Variants in PKN2 observed in about 807,000 individuals in gnomAD.
The protein encoded by PKN2 is protein kinase N2.
PKN2 carries 38 observed loss-of-function variants against 119.1 expected under a neutral mutation model. That is an observed-to-expected ratio of 0.32 (90% CI 0.25 to 0.42). The LOEUF (loss-of-function observed/expected upper bound fraction) is 0.42. PKN2 is among the 10% of genes least tolerant of loss of function. PKN2 has a pLI of 1.00. For missense variants in PKN2, 850 were observed against 1,165.1 expected, an observed-to-expected ratio of 0.73 and a Z score of 3.94; for synonymous variants, 390 against 384.9, an observed-to-expected ratio of 1.01 and a Z score of -0.15.
chr1:88,693,326 C>G (rs954884803), intron 1 of PKN2, among the ~76,000 whole-genome samples: 2 of 152,026 alleles, frequency 1.3e-5, no homozygotes, highest in African/African-American at 2.4e-5. Context: ...GAACAGTTTA[C>G]TAGTTCAGAA....
rs1672878861 is a variant in PKN2 at position 88,834,836 on chromosome 1, A to G, written c.*1388A>G. The G allele has an allele frequency of 6.6e-6, 1 of 151,968 alleles. No homozygotes were observed. The highest frequency in any genetic ancestry group is 1.5e-5 in the Non-Finnish European group (1 of 67,810). 9.4% of individuals were successfully genotyped at this position (151,968 alleles called of 1,614,324 possible). A position where few individuals can be genotyped will look rare whatever the true frequency, so the allele number is the denominator to read the frequency against. ...TTGTTTTGGTTTGGTTTGATTTTATATTTTTTTCTCCTAATCTATGACTTT... is the reference window on the plus strand; with the variant it reads ...TTGTTTTGGTTTGGTTTGATTTTATGTTTTTTTCTCCTAATCTATGACTTT... On this transcript the variant is annotated 3_prime_UTR_variant, in exon 22 of 22. Transcript: ENST00000370521.
chr1:88,708,697 G>A (rs1667100970), intron 1 of PKN2, among the ~76,000 whole-genome samples: 1 of 150,014 alleles, frequency 6.7e-6, no homozygotes, highest in South Asian at 2.1e-4. Context: ...CCTGATCTCA[G>A]GTAATCTACC....
At chr1:88,795,571 T>G (rs182905991) in intron 8 of PKN2, among the ~76,000 whole-genome samples, 1 of 152,322 alleles carries the variant, frequency 6.6e-6, no homozygotes, top group East Asian at 1.9e-4. Context: ...AGTGTCTAAT[T>G]TAATCCTCAC....
At chr1:88,743,179 G>A (rs540626031) in intron 2 of PKN2, among the ~76,000 whole-genome samples, 3 of 152,258 alleles carry the variant, frequency 2.0e-5, no homozygotes, top group South Asian at 4.1e-4. Context: ...AACAGAGAGC[G>A]ATTCTGTCTC....
intron 8 of PKN2, among the ~76,000 whole-genome samples, chr1:88,789,662 C>CATCATAATAATAATA (rs1670730066): frequency 6.8e-6 from 1 of 146,432 alleles, no homozygotes; most frequent in African/African-American, 2.5e-5. Flanking sequence ...GACTCTATCT[C>CATCATAATAATAATA]ATAATAATAA....
At chr1:88,778,184 T>G (rs549169888) in intron 6 of PKN2, among the ~76,000 whole-genome samples, 251 of 152,356 alleles carry the variant, frequency 1.6e-3, no homozygotes, top group African/African-American at 5.4e-3. Flanking sequence ...CCCAACCACC[T>G]TGGGCACGTG....
At chr1:88,793,227 A>G (rs570025685) in intron 8 of PKN2, among the ~76,000 whole-genome samples, 46 of 152,314 alleles carry the variant, frequency 3.0e-4, no homozygotes, top group African/African-American at 1.1e-3. Flanking sequence ...AGTTTGATAA[A>G]TTCTAACCTT....
chr1:88,832,890 A>T (rs373491148), intron 20 of PKN2, 39 bp downstream of exon 20: 3 of 1,324,268 alleles, frequency 2.3e-6, no homozygotes, highest in South Asian at 1.3e-5. Context: ...TTTAAAGACT[A>T]CTTTAATTTT....
intron 18 of PKN2, among the ~76,000 whole-genome samples, chr1:88,824,883 A>C (rs1672435118): frequency 6.6e-6 from 1 of 152,268 alleles, no homozygotes; most frequent in South Asian, 2.1e-4. Context: ...TTAGGCACTA[A>C]ACAGTTCTAG....
chr1:88,689,189 A>G (rs2100642853), intron 1 of PKN2, among the ~76,000 whole-genome samples: 1 of 152,336 alleles, frequency 6.6e-6, no homozygotes, highest in Admixed American at 6.5e-5. Flanking sequence ...TTAGAAATGT[A>G]ATGCACATGT....
Position 88,755,018 on chromosome 1 carries a change from A to G in PKN2, c.350-5204A>G, listed in dbSNP as rs146927076. ...AAATGGAAATTTGTTTTTTGTTGTA[A>G]TCATGGGGTTTAGTTTCTTTAGCCA... On this transcript the variant is annotated intron_variant, in intron 2 of 21. Coordinates refer to ENST00000370521, the MANE Select transcript of PKN2 (RefSeq NM_006256.4). 2.8e-4 allele frequency among the ~76,000 whole-genome samples: 43 copies of G among 152,268 alleles called. No homozygotes were observed. The East Asian group carries it at 7.9e-3, about 28-fold the overall frequency.
intron 8 of PKN2, among the ~76,000 whole-genome samples, chr1:88,794,273 A>G (rs376194395): frequency 6.6e-6 from 1 of 151,980 alleles, no homozygotes; most frequent in Non-Finnish European, 1.5e-5. Flanking sequence ...AGGCTTAGGC[A>G]GGAGAATCAC....
intron 2 of PKN2, among the ~76,000 whole-genome samples, chr1:88,756,049 C>G (rs770294053): frequency 1.3e-5 from 2 of 151,746 alleles, no homozygotes; most frequent in Non-Finnish European, 2.9e-5. Context: ...GTATCTGGGA[C>G]TACAGACGTG....
chr1:88,832,888 CTACTT>C, intron 20 of PKN2, 37 bp downstream of exon 20: 2 of 1,329,370 alleles, frequency 1.5e-6, no homozygotes, highest in South Asian at 2.7e-5. Flanking sequence ...TTTTTAAAGA[CTACTT>C]TAATTTTTTA....
chr1:88,824,329 T>C lies in PKN2; in HGVS notation c.2362T>C (p.Leu788=). The C allele has an allele frequency of 6.3e-7, 1 of 1,588,652 alleles. No individual in the cohort carries two copies. Among genetic ancestry groups the C allele is most frequent in the African/African-American group, 1.3e-5 (1 of 74,552 alleles). ...GAACAGAGATTTGAAATTGGATAAC[T>C]TATTGCTAGATACAGAGGGCTTTGT... ...IVYRDLKLDN[L]LLDTEGFVKI... The change falls in exon 18 of 22, where the codon TTA becomes CTA. Residue 788 remains leucine, a synonymous_variant. Coordinates refer to ENST00000370521, the MANE Select transcript of PKN2 (RefSeq NM_006256.4).
chr1:88,822,879 G>A (rs1028679471), intron 17 of PKN2, among the ~76,000 whole-genome samples: 19 of 151,598 alleles, frequency 1.3e-4, no homozygotes, highest in South Asian at 4.2e-4. Flanking sequence ...GTGCCCAGCC[G>A]GTAAGGTTCT....
intron 18 of PKN2, among the ~76,000 whole-genome samples, chr1:88,828,232 A>C (rs562978873): frequency 2.0e-5 from 3 of 152,330 alleles, no homozygotes; most frequent in Admixed American, 1.3e-4. Context: ...TGACAAGAAG[A>C]AAAAGTAACT....
chr1:88,704,778 C>CAAAAAAA (rs35670791), intron 1 of PKN2, among the ~76,000 whole-genome samples: 1 of 75,946 alleles, frequency 1.3e-5, no homozygotes, highest in Non-Finnish European at 2.6e-5. Context: ...GACCCTGTCT[C>CAAAAAAA]AAAAAAAAAA....
intron 3 of PKN2, among the ~76,000 whole-genome samples, chr1:88,764,454 A>G (rs1388908952): frequency 6.6e-6 from 1 of 152,212 alleles, no homozygotes; most frequent in East Asian, 1.9e-4. Flanking sequence ...TTTCAGCATT[A>G]GAATATAAAT....
Sources: allele counts gnomAD v4.1 joint callset (sites outside exome capture counted in the v4.1 genomes callset), GRCh38; gene constraint gnomAD v4.1.1; transcripts MANE v1.5; gene names NCBI Gene and HGNC (gene_info 2026-07-23, HGNC 2026-07-21).